APIP: variants seen among roughly 807,000 people sequenced by gnomAD.
APIP encodes the protein APAF1 interacting protein.
Under a neutral mutation model 32.0 loss-of-function variants are expected in APIP, and 32 were observed. The ratio of observed to expected loss-of-function variants is 1.00; its 90% CI spans 0.76 to 1.34. APIP has a LOEUF of 1.34. Among genes scored for constraint, APIP ranks in the 40% most tolerant of loss-of-function variants. The probability of loss-of-function intolerance (pLI) is 0.00; values close to 1 mark genes in which losing one functional copy is unlikely to be tolerated. For synonymous variants in APIP, 92 were observed against 94.8 expected (o/e 0.97, Z 0.17); for missense variants, 247 against 298.6 (o/e 0.83, Z 1.27).
chr11:34,892,510 T>A (rs1277563034), intron 2 of APIP, among the ~76,000 whole-genome samples: 1 of 135,944 alleles, frequency 7.4e-6, no homozygotes, highest in Admixed American at 7.7e-5. Context: ...GTAGTCCTAA[T>A]CACATGCAAC....
At position 34,895,161 on chromosome 11, in the gene APIP, C is replaced by CT. The variant is rs770431311; in HGVS notation, c.58-52dup. ...AAACAGACATCATTTTATCAAGTAA[C>CT]TATTCCAGCTGGTGTTTCTAATAAG... On this transcript the variant is annotated intron_variant, in intron 1 of 6. Transcript: ENST00000395787. 2.0e-6 allele frequency: 3 copies of CT among 1,500,698 alleles called. No homozygotes were observed. In the South Asian group the frequency reaches 3.4e-5, roughly 17 times the overall value. 93.0% of individuals were successfully genotyped at this position (1,500,698 alleles called of 1,614,324 possible). A position where few individuals can be genotyped will look rare whatever the true frequency, so the allele number is the denominator to read the frequency against.
chr11:34,891,561 C>G (rs1230378315), intron 2 of APIP, among the ~76,000 whole-genome samples: 5 of 152,078 alleles, frequency 3.3e-5, no homozygotes, highest in Non-Finnish European at 7.4e-5. Flanking sequence ...GCCTATATAC[C>G]AAGCTGCTGA....
intron 1 of APIP, among the ~76,000 whole-genome samples, chr11:34,905,534 T>G (rs1853434977): frequency 6.6e-6 from 1 of 152,184 alleles, no homozygotes. Context: ...GGGACAAGAC[T>G]GAGTAACAGC....
intron 1 of APIP, among the ~76,000 whole-genome samples, chr11:34,900,676 A>AG (rs1853357994): frequency 6.6e-6 from 1 of 152,114 alleles, no homozygotes; most frequent in Non-Finnish European, 1.5e-5. Context: ...CAAACCGAGG[A>AG]GACAAAGAGG....
intron 1 of APIP, among the ~76,000 whole-genome samples, chr11:34,905,661 A>G (rs1455761232): frequency 4.6e-5 from 7 of 152,184 alleles, no homozygotes; most frequent in Non-Finnish European, 8.8e-5. Flanking sequence ...GGAGAGTGCA[A>G]CAAGGGTGAT....
intron 1 of APIP, among the ~76,000 whole-genome samples, chr11:34,906,624 G>A (rs1043465520): frequency 1.2e-4 from 18 of 152,166 alleles, no homozygotes; most frequent in Non-Finnish European, 2.5e-4. Context: ...CAGAATAGAC[G>A]GGGCTTAGAC....
At chr11:34,892,557 GTGA>G (rs1853200821) in intron 2 of APIP, among the ~76,000 whole-genome samples, 1 of 152,146 alleles carries the variant, frequency 6.6e-6, no homozygotes, top group African/African-American at 2.4e-5. Flanking sequence ...ATATTACTCT[GTGA>G]AAACAGGAAA....
Position 34,887,393 on chromosome 11 carries a change from C to T in APIP, c.461+900G>A, listed in dbSNP as rs565689401. Among the ~76,000 whole-genome samples the T allele has an allele frequency of 4.6e-5, 7 of 152,298 alleles. No homozygotes were observed. In the East Asian group the frequency reaches 9.6e-4, roughly 21 times the overall value. Reference sequence around the variant, plus strand: ...GGGGCTCTACTTTCCTCAGTATGTACACTTCTCTTAATTTAAATATTTAAC... The same window carrying T: ...GGGGCTCTACTTTCCTCAGTATGTATACTTCTCTTAATTTAAATATTTAAC... On this transcript the variant is annotated intron_variant, in intron 5 of 6. Coordinates refer to ENST00000395787, the MANE Select transcript of APIP (RefSeq NM_015957.4).
chr11:34,888,501 T>G, intron 4 of APIP, 73 bp from the exon 5 acceptor site: 2 of 1,557,770 alleles, frequency 1.3e-6, no homozygotes, highest in Non-Finnish European at 1.7e-6. Flanking sequence ...AAAGTCCATA[T>G]AGTTATACTT....
chr11:34,913,527 G>C (rs867700684), intron 1 of APIP, among the ~76,000 whole-genome samples: 1 of 152,068 alleles, frequency 6.6e-6, no homozygotes, highest in Non-Finnish European at 1.5e-5. Flanking sequence ...CGTTCCTCCC[G>C]GTGGGTTCAT....
intron 5 of APIP, among the ~76,000 whole-genome samples, chr11:34,887,488 A>C (rs1159954969): frequency 2.0e-5 from 3 of 152,212 alleles, no homozygotes; most frequent in Non-Finnish European, 2.9e-5. Context: ...CTGAAATCAA[A>C]TCAATTTCTC....
intron 5 of APIP, among the ~76,000 whole-genome samples, chr11:34,885,842 CAACAACTCCTATCGCCT>C (rs1275504196): frequency 6.6e-6 from 1 of 152,092 alleles, no homozygotes; most frequent in African/African-American, 2.4e-5. Flanking sequence ...TTTTGGCTCT[CAACAACTCCTATCGCCT>C]AATGACCGCA....
chr11:34,895,993 A>G (rs1404121496), intron 1 of APIP, among the ~76,000 whole-genome samples: 2 of 152,252 alleles, frequency 1.3e-5, no homozygotes, highest in Non-Finnish European at 2.9e-5. Flanking sequence ...ATATTTCAAA[A>G]TAAGTTGTTG....
chr11:34,893,779 T>C (rs1201269581), intron 2 of APIP, among the ~76,000 whole-genome samples: 1 of 152,256 alleles, frequency 6.6e-6, no homozygotes, highest in African/African-American at 2.4e-5. Flanking sequence ...GATAAAATTA[T>C]AATGGCATCA....
intron 2 of APIP, among the ~76,000 whole-genome samples, chr11:34,894,487 ACC>A (rs751937425): frequency 4.0e-5 from 6 of 148,782 alleles, no homozygotes; most frequent in Non-Finnish European, 6.0e-5. Flanking sequence ...AAAAAAAAAA[ACC>A]CCAGAAAAAA....
rs142818890 is a variant in APIP, at chr11:34,895,127, T to C, written c.58-17A>G. On this transcript the variant is annotated splice_polypyrimidine_tract_variant and intron_variant, in intron 1 of 6. Transcript: ENST00000395787. ...CTCCTTGTCCTTAAAAAGAAGGTAATGATTTTTAAAACAGACATCATTTTA... is the reference window on the plus strand; with the variant it reads ...CTCCTTGTCCTTAAAAAGAAGGTAACGATTTTTAAAACAGACATCATTTTA... 9,640 of 1,599,012 alleles carry C rather than the reference T, an allele frequency of 6.0e-3. 321 individuals are homozygous for C. In the South Asian group the frequency reaches 0.07, roughly 12 times the overall value.
chr11:34,891,123 T>C (rs1420732741), intron 2 of APIP, among the ~76,000 whole-genome samples: 1 of 152,092 alleles, frequency 6.6e-6, no homozygotes, highest in African/African-American at 2.4e-5. Flanking sequence ...AGCATACATA[T>C]CTTGGAAAAA....
intron 4 of APIP, 118 bp from the exon 5 acceptor site, chr11:34,888,546 G>T: frequency 7.0e-7 from 1 of 1,433,570 alleles, no homozygotes; most frequent in Non-Finnish European, 9.3e-7. Context: ...ATTTTTCCTG[G>T]CATGGAATAA....
rs769894777 is a variant in APIP at position 34,883,375 on chromosome 11, T to C, written c.591A>G (p.Val197=). 9 of 1,613,448 alleles carry C rather than the reference T, an allele frequency of 5.6e-6. No homozygotes were observed. The highest frequency in any genetic ancestry group is 4.5e-5 in the East Asian group (2 of 44,860). The change falls in exon 6 of 7, where the codon GTA becomes GTG. Residue 197 remains valine (V), a synonymous_variant. Coordinates refer to ENST00000395787, the MANE Select transcript of APIP (RefSeq NM_015957.4). ...SCAVLVRRHG[V]YVWGETWEKA... is the part of the protein sequence containing the mutation. ...TCTCCCATGTTTCCCCCCACACATA[T>C]ACTCCATGACGTCTGACCAGTACTG...
Sources: allele counts gnomAD v4.1 joint callset (sites outside exome capture counted in the v4.1 genomes callset), GRCh38; gene constraint gnomAD v4.1.1; transcripts MANE v1.5; gene names NCBI Gene and HGNC (gene_info 2026-07-23, HGNC 2026-07-21).